Variants in LMBRD2 observed in about 807,000 individuals in gnomAD.
LMBRD2 encodes LMBR1 domain containing 2, also known as G protein-coupled receptor-associated protein LMBRD2.
In LMBRD2, 55 loss-of-function variants were observed where a neutral mutation model predicts 94.4. That is an observed-to-expected ratio of 0.58 (90% confidence interval 0.47 to 0.73). LMBRD2 has a LOEUF of 0.73. Ranked by LOEUF, LMBRD2 falls within the 30% of genes least tolerant of loss-of-function variation. The pLI is 0.00. For missense variants in LMBRD2, 640 were observed against 831.9 expected (o/e 0.77, Z 2.84); for synonymous variants, 246 against 272.4 (o/e 0.90, Z 0.95).
rs1743334131 is a variant in LMBRD2 at position 36,100,947 on chromosome 5, G to A, written c.*3099C>T. ...ACTTTCCTATGCTAATTTAATTTGG[G>A]CATACATGCAGCTTAAATTTCAGAA... On this transcript the variant is annotated 3_prime_UTR_variant, in exon 18 of 18. Coordinates refer to ENST00000296603, the MANE Select transcript of LMBRD2 (RefSeq NM_001007527.2). 1.3e-5 allele frequency: 2 copies of A among 151,878 alleles called. No homozygotes were observed. The highest frequency in any genetic ancestry group is 4.8e-5 in the African/African-American group (2 of 41,378). 9.4% of individuals were successfully genotyped at this position (151,878 alleles called of 1,614,324 possible). A position where few individuals can be genotyped will look rare whatever the true frequency, so the allele number is the denominator to read the frequency against.
chr5:36,140,053 GC>G lies in LMBRD2; in HGVS notation c.368+1053del, dbSNP rs539779570. On this transcript the variant is annotated intron_variant, in intron 4 of 17. Coordinates refer to ENST00000296603, the MANE Select transcript of LMBRD2 (RefSeq NM_001007527.2). ...CCCTTCCAGGAGCCCAGATCTAGGG[GC>G]TCCCCAAGCTAGGGCTGTGACACCC... Among the ~76,000 whole-genome samples, 1,107 of 152,330 alleles carry G rather than the reference GC, an allele frequency of 7.3e-3. 14 individuals are homozygous for G. Among genetic ancestry groups the G allele is most frequent in the African/African-American group, 0.025 (1,029 of 41,574 alleles).
At chr5:36,115,693 T>G (rs1338841887) in intron 11 of LMBRD2, among the ~76,000 whole-genome samples, 1 of 150,818 alleles carries the variant, frequency 6.6e-6, no homozygotes, top group Non-Finnish European at 1.5e-5. Context: ...GAATCCTGAT[T>G]GTGTTGGTGG....
Position 36,142,732 on chromosome 5 carries a change from T to C in LMBRD2, c.175-133A>G, listed in dbSNP as rs1486721705. Reference sequence around the variant, plus strand: ...TGCTTTATTCTTTTTTTTTTTTTTTTCTTTTTGTGTGAGACAGAGTCTCAC... The same window carrying C: ...TGCTTTATTCTTTTTTTTTTTTTTTCCTTTTTGTGTGAGACAGAGTCTCAC... On this transcript the variant is annotated intron_variant, in intron 2 of 17. Transcript: ENST00000296603. The C allele has an allele frequency of 1.7e-5, 9 of 525,648 alleles. No individual in the cohort carries two copies. The Admixed American group carries it at 1.7e-4, about 10-fold the overall frequency. The allele number at this position is 525,648 out of a possible 1,614,324, so 32.6% of individuals were successfully genotyped here.
In LMBRD2 at chr5:36,136,386, T is replaced by C; in HGVS notation, c.670A>G (p.Met224Val). 3 of 1,614,140 alleles carry C rather than the reference T, an allele frequency of 1.9e-6. No homozygotes were observed. Among genetic ancestry groups the C allele is most frequent in the Non-Finnish European group, 2.5e-6 (3 of 1,179,968 alleles). The part of the protein sequence containing the change: ...WNGAKRGYLL[M>V]KTYFKAAKLM... ...TTGGCTGCCTTAAAATACGTTTTCA[T>C]AAGTAGATAACCCCTTTTTGCTCCA... Residue 224 changes from methionine (M) to valine (V), a missense_variant, in exon 6 of 18, where the codon ATG (methionine) becomes GTG (valine). Met to Val is a conservative substitution (Grantham distance 21, BLOSUM62 1). Transcript: ENST00000296603.
chr5:36,115,119 G>A lies in LMBRD2; in HGVS notation c.1438C>T (p.Leu480=). The A allele has an allele frequency of 1.3e-6, 2 of 1,590,766 alleles. No individual in the cohort carries two copies. The highest frequency in any genetic ancestry group is 1.7e-6 in the Non-Finnish European group (2 of 1,162,338). ...DAYSLLFSGM[L]FCRLTPPLCL... ...AAAGGAGGTGTCAAACGGCAAAATA[G>A]CCTGCAACAAACATTTAAAAATATG... The change falls in exon 12 of 18, where the codon CTA becomes TTA. Residue 480 remains leucine (L), a splice_region_variant and synonymous_variant. Transcript: ENST00000296603.
At chr5:36,139,452 C>A (rs1321107826) in intron 4 of LMBRD2, among the ~76,000 whole-genome samples, 4 of 152,172 alleles carry the variant, frequency 2.6e-5, no homozygotes, top group Admixed American at 2.0e-4. Context: ...CAGAAGTGGG[C>A]AGGTCCCCGG....
chr5:36,103,514 T>A lies in LMBRD2; in HGVS notation c.*532A>T, dbSNP rs1374341828. 2 of 152,344 alleles carry A rather than the reference T, an allele frequency of 1.3e-5. No individual in the cohort carries two copies. Among genetic ancestry groups the A allele is most frequent in the Non-Finnish European group, 2.9e-5 (2 of 67,852 alleles). 9.4% of individuals were successfully genotyped at this position (152,344 alleles called of 1,614,324 possible). ...CAGATTTGAAAAAGCACTTTTTACA[T>A]TCAGTTATGTCTAGTAAGTAAGCCT... On this transcript the variant is annotated 3_prime_UTR_variant, in exon 18 of 18. Transcript: ENST00000296603.
rs993559265 is a variant in LMBRD2 at position 36,146,903 on chromosome 5, C to T, written c.-57-3497G>A. Among the ~76,000 whole-genome samples the T allele has an allele frequency of 5.3e-5, 8 of 151,740 alleles. 1 individual carries two copies. The highest frequency in any genetic ancestry group is 3.9e-4 in the Admixed American group (6 of 15,206). Reference sequence around the variant, plus strand: ...AAACAAATTAACATATCTATCTCCTCACTCACTTCTCTCTCTGCGTGTGTG... The same window carrying T: ...AAACAAATTAACATATCTATCTCCTTACTCACTTCTCTCTCTGCGTGTGTG... On this transcript the variant is annotated intron_variant, in intron 1 of 17. Coordinates refer to ENST00000296603, the MANE Select transcript of LMBRD2 (RefSeq NM_001007527.2).
At chr5:36,127,203 G>A (rs192188692) in intron 6 of LMBRD2, among the ~76,000 whole-genome samples, 99 of 152,326 alleles carry the variant, frequency 6.5e-4, no homozygotes, top group Non-Finnish European at 1.1e-3. Flanking sequence ...TTTTTTAAAT[G>A]ATAAATACAT....
In LMBRD2 at chr5:36,101,427, C is replaced by A. The variant is rs1299024534; in HGVS notation, c.*2619G>T. On this transcript the variant is annotated 3_prime_UTR_variant, in exon 18 of 18. Transcript: ENST00000296603. Reference sequence around the variant, plus strand: ...ACTTATTATCAAGTAATAAAGTCATCAAAAATTACCAGAAATAATTCTTTA... The same window carrying A: ...ACTTATTATCAAGTAATAAAGTCATAAAAAATTACCAGAAATAATTCTTTA... 2 of 151,772 alleles carry A rather than the reference C, an allele frequency of 1.3e-5. No individual in the cohort carries two copies. Among genetic ancestry groups the A allele is most frequent in the African/African-American group, 2.4e-5 (1 of 41,392 alleles). The allele number at this position is 151,772 out of a possible 1,614,324, so 9.4% of individuals were successfully genotyped here.
chr5:36,125,187 G>A (rs957731483), intron 6 of LMBRD2, among the ~76,000 whole-genome samples: 1 of 152,046 alleles, frequency 6.6e-6, no homozygotes, highest in Non-Finnish European at 1.5e-5. Flanking sequence ...AGTTCCTAAG[G>A]AATCACAATA....
At chr5:36,132,609 A>G (rs1744180304) in intron 6 of LMBRD2, among the ~76,000 whole-genome samples, 1 of 151,350 alleles carries the variant, frequency 6.6e-6, no homozygotes, top group African/African-American at 2.4e-5. Flanking sequence ...AAACAACTCC[A>G]TGAGAAAAAA....
At chr5:36,108,161 T>G (rs1743516967) in intron 16 of LMBRD2, among the ~76,000 whole-genome samples, 1 of 152,104 alleles carries the variant, frequency 6.6e-6, no homozygotes, top group Non-Finnish European at 1.5e-5. Context: ...CTTATATGGG[T>G]CAGTCAATAA....
intron 9 of LMBRD2, among the ~76,000 whole-genome samples, chr5:36,120,863 C>A (rs1743873915): frequency 1.3e-5 from 2 of 152,122 alleles, no homozygotes; most frequent in African/African-American, 4.8e-5. Context: ...ACTTCATTGT[C>A]CTAATTTTCC....
At chr5:36,134,730 C>T (rs1030064282) in intron 6 of LMBRD2, among the ~76,000 whole-genome samples, 4 of 152,088 alleles carry the variant, frequency 2.6e-5, no homozygotes, top group Admixed American at 6.5e-5. Flanking sequence ...TAATCTTGAA[C>T]GTTAGTCCCC....
intron 4 of LMBRD2, among the ~76,000 whole-genome samples, chr5:36,139,211 A>C (rs1744344701): frequency 6.6e-6 from 1 of 152,238 alleles, no homozygotes; most frequent in Non-Finnish European, 1.5e-5. Flanking sequence ...GACTGAATCC[A>C]GGCACTGTTG....
rs1353799553 is a variant in LMBRD2, at chr5:36,102,400, A to G, written c.*1646T>C. On this transcript the variant is annotated 3_prime_UTR_variant, in exon 18 of 18. Coordinates refer to ENST00000296603, the MANE Select transcript of LMBRD2 (RefSeq NM_001007527.2). ...CAATTAGTCAATCATTAAATTACAA[A>G]GAGGATCAAATTATCTCTGCTCCTG... 6.6e-6 allele frequency: 1 copy of G among 151,906 alleles called. No homozygotes were observed. The highest frequency in any genetic ancestry group is 1.5e-5 in the Non-Finnish European group (1 of 67,832). 9.4% of individuals were successfully genotyped at this position (151,906 alleles called of 1,614,324 possible).
At chr5:36,107,306 T>C (rs1330371397) in intron 16 of LMBRD2, among the ~76,000 whole-genome samples, 1 of 152,360 alleles carries the variant, frequency 6.6e-6, no homozygotes, top group African/African-American at 2.4e-5. Flanking sequence ...TCAAAGTCAC[T>C]GCACTGTCTG....
chr5:36,137,731 A>C (rs1469100474), intron 4 of LMBRD2, among the ~76,000 whole-genome samples: 1 of 152,146 alleles, frequency 6.6e-6, no homozygotes, highest in African/African-American at 2.4e-5. Context: ...TCACACGGAG[A>C]ATGGATAAAA....
Sources: gnomAD v4.1 joint callset for allele counts (sites outside exome capture counted in the v4.1 genomes callset) on GRCh38, gnomAD v4.1.1 for gene constraint, MANE v1.5 for transcripts, NCBI Gene and HGNC (gene_info 2026-07-23, HGNC 2026-07-21) for gene names.